The following PLB1 variants were observed in gnomAD, a reference collection of about 807,000 sequenced individuals.
PLB1 encodes the protein phospholipase B1.
PLB1 carries 242 observed loss-of-function variants against 227.4 expected under a neutral mutation model. The ratio of observed to expected loss-of-function variants is 1.06; its 90% CI spans 0.96 to 1.18. The LOEUF (loss-of-function observed/expected upper bound fraction) is 1.18. PLB1 is among the 50% of genes most tolerant of loss of function. The pLI, the probability that PLB1 is intolerant of heterozygous loss-of-function variation, is 0.00. For missense variants in PLB1, 1,858 were observed against 1,816.3 expected (o/e 1.02, Z -0.42); for synonymous variants, 757 against 682.2 (o/e 1.11, Z -1.71).
chr2:28,536,015 G>T (rs1426993523), intron 9 of PLB1, among the ~76,000 whole-genome samples: 1 of 152,188 alleles, frequency 6.6e-6, no homozygotes, highest in African/African-American at 2.4e-5. Flanking sequence ...GGCACCAGCT[G>T]CCACCTGACT....
intron 49 of PLB1, among the ~76,000 whole-genome samples, chr2:28,621,244 C>A (rs549168995): frequency 1.4e-4 from 21 of 152,252 alleles, no homozygotes; most frequent in Admixed American, 9.1e-4. Context: ...GGAGCCTTTG[C>A]TCTGACCACT....
chr2:28,625,047 C>G lies in PLB1; in HGVS notation c.3528-10C>G, dbSNP rs771084367. 2 of 1,613,070 alleles carry G rather than the reference C, an allele frequency of 1.2e-6. No individual in the cohort carries two copies. Among genetic ancestry groups the G allele is most frequent in the African/African-American group, 1.3e-5 (1 of 74,888 alleles). On this transcript the variant is annotated splice_polypyrimidine_tract_variant and intron_variant, in intron 49 of 57. Coordinates refer to ENST00000327757, the MANE Select transcript of PLB1 (RefSeq NM_153021.5). ...CGGCACTAACGCCCCTCTCTCTACC[C>G]CCCACCTAGGGACATGCCAGCCCAG...
At chr2:28,591,318 G>C (rs11127175) in intron 30 of PLB1, 147 bp downstream of exon 30, 2 of 939,284 alleles carry the variant, frequency 2.1e-6, no homozygotes, top group Admixed American at 3.8e-5. Context: ...AGATGGGGTA[G>C]TGGGCAGAGT....
chr2:28,641,617 G>A (rs1413277755), intron 57 of PLB1, among the ~76,000 whole-genome samples: 1 of 152,064 alleles, frequency 6.6e-6, no homozygotes, highest in Non-Finnish European at 1.5e-5. Flanking sequence ...AAAATAAAGT[G>A]CATCAAGCAG....
chr2:28,603,079 G>C (rs1248925349), intron 39 of PLB1, among the ~76,000 whole-genome samples, 158 bp downstream of exon 39: 1 of 152,218 alleles, frequency 6.6e-6, no homozygotes, highest in Non-Finnish European at 1.5e-5. Flanking sequence ...TCCAGAGGCT[G>C]GAGCCATGAC....
At chr2:28,548,971 G>C in intron 15 of PLB1, 40 bp downstream of exon 15, 2 of 1,596,966 alleles carry the variant, frequency 1.3e-6, no homozygotes, top group Non-Finnish European at 1.7e-6. Flanking sequence ...TTATTGAATC[G>C]AGGGCGCAGG....
chr2:28,592,725 G>A lies in PLB1; in HGVS notation c.2247+6G>A, dbSNP rs1682180443. The A allele has an allele frequency of 6.2e-7, 1 of 1,613,900 alleles. No homozygotes were observed. Among genetic ancestry groups the A allele is most frequent in the Non-Finnish European group, 8.5e-7 (1 of 1,179,904 alleles). On this transcript the variant is annotated splice_donor_region_variant and intron_variant, in intron 32 of 57. Transcript: ENST00000327757. Reference sequence around the variant, plus strand: ...CTCTGGGGGATTCTCTGACCGTAAGGACTCTTGGGCCCCAGGTGGTTTGGG... The same window carrying A: ...CTCTGGGGGATTCTCTGACCGTAAGAACTCTTGGGCCCCAGGTGGTTTGGG...
At chr2:28,555,203 G>A (rs565914115) in intron 17 of PLB1, among the ~76,000 whole-genome samples, 4 of 148,516 alleles carry the variant, frequency 2.7e-5, no homozygotes, top group East Asian at 2.0e-4. Context: ...GTGAAGTGGC[G>A]TGATTTCCGC....
At chr2:28,613,443 C>T (rs1235331270) in intron 43 of PLB1, among the ~76,000 whole-genome samples, 1 of 152,110 alleles carries the variant, frequency 6.6e-6, no homozygotes, top group African/African-American at 2.4e-5. Context: ...CCTTCTTTAA[C>T]TAACTCCTCA....
intron 33 of PLB1, chr2:28,594,865 G>A (rs1443629688): frequency 6.6e-6 from 1 of 151,920 alleles, no homozygotes; most frequent in Admixed American, 6.6e-5. Context: ...TCCTAATGAG[G>A]CTACAAGAAA....
intron 3 of PLB1, among the ~76,000 whole-genome samples, chr2:28,519,273 A>G (rs1669207242): frequency 6.6e-6 from 1 of 152,140 alleles, no homozygotes; most frequent in Non-Finnish European, 1.5e-5. Flanking sequence ...TTTGAATGCT[A>G]TTCTCTGGCA....
intron 57 of PLB1, among the ~76,000 whole-genome samples, 172 bp from the exon 58 acceptor site, chr2:28,642,686 C>T (rs760946977): frequency 6.6e-5 from 10 of 152,180 alleles, no homozygotes; most frequent in Admixed American, 6.5e-5. Flanking sequence ...AGGCCCATCC[C>T]GCTAAAGAGG....
At chr2:28,588,286 G>A (rs964035329) in intron 26 of PLB1, among the ~76,000 whole-genome samples, 3 of 152,144 alleles carry the variant, frequency 2.0e-5, no homozygotes, top group African/African-American at 4.8e-5. Flanking sequence ...TTAAGAGATG[G>A]CCCAGGACTC....
chr2:28,554,266 GATAGATAGATGTGTGTTTAT>G (rs1341220684), intron 17 of PLB1, among the ~76,000 whole-genome samples: 1 of 151,730 alleles, frequency 6.6e-6, no homozygotes, highest in African/African-American at 2.4e-5. Flanking sequence ...TATAGATACA[GATAGATAGATGTGTGTTTAT>G]ATAGATAGAT....
intron 9 of PLB1, among the ~76,000 whole-genome samples, chr2:28,533,388 A>G (rs4666086): frequency 0.4 from 61,312 of 151,646 alleles, 13,998 homozygotes; most frequent in East Asian, 0.78. Context: ...TACGTGCCTC[A>G]TTTGTTCTCT....
intron 35 of PLB1, among the ~76,000 whole-genome samples, chr2:28,600,114 T>A (rs1683632977): frequency 6.6e-6 from 1 of 152,122 alleles, no homozygotes; most frequent in African/African-American, 2.4e-5. Context: ...TTTACCATGT[T>A]GCCCAGGTTG....
At chr2:28,521,959 C>T (rs915086624) in intron 4 of PLB1, among the ~76,000 whole-genome samples, 2 of 152,060 alleles carry the variant, frequency 1.3e-5, no homozygotes, top group African/African-American at 4.8e-5. Flanking sequence ...CTCCCTGCAA[C>T]CTCAGCCCCT....
intron 20 of PLB1, among the ~76,000 whole-genome samples, chr2:28,567,737 G>A (rs779563835): frequency 5.9e-5 from 9 of 152,130 alleles, no homozygotes; most frequent in Admixed American, 4.6e-4. Context: ...CTCCCAAAGT[G>A]CTGGGATTAC....
chr2:28,559,885 G>A (rs1675778119), intron 17 of PLB1, among the ~76,000 whole-genome samples: 1 of 151,356 alleles, frequency 6.6e-6, no homozygotes, highest in African/African-American at 2.4e-5. Context: ...CCAAATAGCT[G>A]GGACTATAAG....
Sources: allele counts gnomAD v4.1 joint callset (sites outside exome capture counted in the v4.1 genomes callset), GRCh38; gene constraint gnomAD v4.1.1; transcripts MANE v1.5; gene names NCBI Gene and HGNC (gene_info 2026-07-23, HGNC 2026-07-21).